The following RAB38 variants were observed in gnomAD, a reference collection of about 807,000 sequenced individuals.
The protein encoded by RAB38 is RAB38, member RAS oncogene family, also known as ras-related protein Rab-38.
RAB38 carries 15 observed loss-of-function variants against 18.4 expected under a neutral mutation model. The ratio of observed to expected loss-of-function variants is 0.82; its 90% CI spans 0.55 to 1.26. The LOEUF is 1.26. RAB38 is among the 50% of genes most tolerant of loss of function. The pLI is 0.00. For synonymous variants in RAB38, 101 were observed against 104.4 expected (o/e 0.97, Z 0.20); for missense variants, 294 against 267.4 (o/e 1.10, Z -0.69).
intron 2 of RAB38, among the ~76,000 whole-genome samples, chr11:88,132,567 C>A (rs532851710): frequency 6.6e-6 from 1 of 152,318 alleles, no homozygotes; most frequent in South Asian, 2.1e-4. Flanking sequence ...AAGTGATTCT[C>A]CTGCCTCAGC....
the RAB38 span, among the ~76,000 whole-genome samples, chr11:88,025,543 GT>G: frequency 6.6e-6 from 1 of 152,080 alleles, no homozygotes; most frequent in African/African-American, 2.4e-5. Context: ...CAAATCTGTT[GT>G]TTTTTGACTT....
the RAB38 span, among the ~76,000 whole-genome samples, chr11:87,846,048 A>C: frequency 6.6e-6 from 1 of 152,104 alleles, no homozygotes; most frequent in Admixed American, 6.6e-5. Context: ...GTAGACTGTG[A>C]AAAGTTAGGT....
At chr11:88,022,316 CT>C in the RAB38 span, among the ~76,000 whole-genome samples, 3 of 146,642 alleles carry the variant, frequency 2.0e-5, no homozygotes, top group African/African-American at 8.0e-5. Context: ...AAAAAAAACC[CT>C]CAAAAAAAAA....
the RAB38 span, among the ~76,000 whole-genome samples, chr11:87,898,608 G>A: frequency 6.6e-6 from 1 of 151,746 alleles, no homozygotes; most frequent in African/African-American, 2.4e-5. Context: ...TGTGTTGAAG[G>A]ACTACATTAA....
the RAB38 span, among the ~76,000 whole-genome samples, chr11:87,893,061 C>T: frequency 6.6e-6 from 1 of 151,502 alleles, no homozygotes; most frequent in Non-Finnish European, 1.5e-5. Flanking sequence ...CACAGATACT[C>T]CATGTATAAA....
the RAB38 span, among the ~76,000 whole-genome samples, chr11:88,004,195 A>G: frequency 6.7e-6 from 1 of 149,866 alleles, no homozygotes; most frequent in South Asian, 2.1e-4. Flanking sequence ...ATGAATACAG[A>G]TGAAAGGACA....
chr11:88,023,202 G>C, the RAB38 span, among the ~76,000 whole-genome samples: 1 of 152,036 alleles, frequency 6.6e-6, no homozygotes, highest in Non-Finnish European at 1.5e-5. Flanking sequence ...AAAAAATTAA[G>C]TAAAGTTGTA....
At chr11:87,820,575 G>A in the RAB38 span, among the ~76,000 whole-genome samples, 2 of 152,078 alleles carry the variant, frequency 1.3e-5, no homozygotes, top group African/African-American at 2.4e-5. Context: ...AATCAAACTC[G>A]GCAGTCTTCA....
At chr11:87,919,099 A>G in the RAB38 span, among the ~76,000 whole-genome samples, 8 of 152,202 alleles carry the variant, frequency 5.3e-5, no homozygotes, top group South Asian at 1.7e-3. Flanking sequence ...TTCCAACACC[A>G]TTTATTAAAT....
the RAB38 span, among the ~76,000 whole-genome samples, chr11:87,827,638 T>A: frequency 4.9e-4 from 75 of 152,268 alleles, no homozygotes; most frequent in African/African-American, 1.4e-3. Context: ...AAATCCATAT[T>A]ACTATAATAT....
chr11:88,010,636 A>G, the RAB38 span, among the ~76,000 whole-genome samples: 9 of 152,160 alleles, frequency 5.9e-5, no homozygotes, highest in African/African-American at 2.2e-4. Flanking sequence ...TCCATCCTGG[A>G]GGGATGACTC....
At chr11:88,033,250 A>T in the RAB38 span, among the ~76,000 whole-genome samples, 1 of 151,996 alleles carries the variant, frequency 6.6e-6, no homozygotes, top group Admixed American at 6.6e-5. Flanking sequence ...GGGGGGAGGG[A>T]TAGCATTGGG....
At chr11:87,957,626 T>C in the RAB38 span, among the ~76,000 whole-genome samples, 1 of 152,096 alleles carries the variant, frequency 6.6e-6, no homozygotes, top group Non-Finnish European at 1.5e-5. Context: ...TCTCAGCATA[T>C]GGGGCAGGAA....
At chr11:87,808,614 T>G in the RAB38 span, among the ~76,000 whole-genome samples, 22 of 152,280 alleles carry the variant, frequency 1.4e-4, no homozygotes, top group Admixed American at 1.4e-3. Context: ...AGGAATAATT[T>G]CAAGAGATCT....
the RAB38 span, among the ~76,000 whole-genome samples, chr11:87,950,836 A>G: frequency 6.6e-6 from 1 of 151,924 alleles, no homozygotes; most frequent in Non-Finnish European, 1.5e-5. Context: ...CTTCATTTCA[A>G]CCTTGGTGAA....
chr11:88,019,300 C>T, the RAB38 span, among the ~76,000 whole-genome samples: 2 of 152,108 alleles, frequency 1.3e-5, no homozygotes, highest in Non-Finnish European at 2.9e-5. Flanking sequence ...TTAGAGTCAT[C>T]TATGACTTTT....
the RAB38 span, among the ~76,000 whole-genome samples, chr11:88,026,815 T>C: frequency 6.6e-6 from 1 of 152,082 alleles, no homozygotes; most frequent in Non-Finnish European, 1.5e-5. Context: ...GGTACTAAAA[T>C]CAACAGGTGA....
chr11:88,050,504 T>C, the RAB38 span, among the ~76,000 whole-genome samples: 1 of 152,216 alleles, frequency 6.6e-6, no homozygotes, highest in African/African-American at 2.4e-5. Flanking sequence ...TACGTACACA[T>C]GCACTTTCCA....
the RAB38 span, chr11:88,062,111 T>C: frequency 2.0e-5 from 3 of 152,330 alleles, no homozygotes; most frequent in Admixed American, 6.5e-5. Context: ...AGTTAAATAC[T>C]GATATGGTTT....
Sources: allele counts gnomAD v4.1 joint callset (sites outside exome capture counted in the v4.1 genomes callset), GRCh38; gene constraint gnomAD v4.1.1; transcripts MANE v1.5; gene names NCBI Gene and HGNC (gene_info 2026-07-23, HGNC 2026-07-21).